Variants in VPS13B observed in about 807,000 individuals in gnomAD.
VPS13B encodes the protein vacuolar protein sorting 13 homolog B.
VPS13B carries 285 observed loss-of-function variants against 426.4 expected under a neutral mutation model. That is an observed-to-expected ratio of 0.67 (90% confidence interval 0.61 to 0.74). The LOEUF (loss-of-function observed/expected upper bound fraction) is 0.74. Ranked by LOEUF, VPS13B falls within the 30% of genes least tolerant of loss-of-function variation. The probability of loss-of-function intolerance (pLI) is 0.00; values close to 1 mark genes in which losing one functional copy is unlikely to be tolerated. For missense variants in VPS13B, 4,537 were observed against 4,782.6 expected, an observed-to-expected ratio of 0.95 and a Z score of 1.51; for synonymous variants, 1,676 against 1,676.4, an observed-to-expected ratio of 1.00 and a Z score of 0.01.
chr8:99,319,921 A>G (rs1364284899), intron 19 of VPS13B, among the ~76,000 whole-genome samples: 3 of 152,164 alleles, frequency 2.0e-5, no homozygotes, highest in African/African-American at 7.2e-5. Context: ...GGATGGGACT[A>G]TATCTCTTTT....
chr8:99,830,994 A>C (rs1254527371), intron 51 of VPS13B, among the ~76,000 whole-genome samples: 2 of 136,064 alleles, frequency 1.5e-5, no homozygotes, highest in Non-Finnish European at 3.1e-5. Context: ...GAAACCATCC[A>C]CCTTCTGTGT....
intron 13 of VPS13B, among the ~76,000 whole-genome samples, chr8:99,143,731 T>C (rs557781763): frequency 6.6e-6 from 1 of 152,334 alleles, no homozygotes; most frequent in East Asian, 1.9e-4. Flanking sequence ...GGTTTAAAAT[T>C]TGACCCTCAC....
rs76185899 is a variant in VPS13B at position 99,655,529 on chromosome 8, G to A, written c.5909-5825G>A. Reference sequence around the variant, plus strand: ...CTGGTAGGAAGGCATAGGGAGTCCCGAGGAGGTGGGTTAGGATTGTAGATG... The same window carrying A: ...CTGGTAGGAAGGCATAGGGAGTCCCAAGGAGGTGGGTTAGGATTGTAGATG... On this transcript the variant is annotated intron_variant, in intron 34 of 61. Coordinates refer to ENST00000357162, the MANE Select transcript of VPS13B (RefSeq NM_152564.5). Among the ~76,000 whole-genome samples, 265 of 152,200 alleles carry A rather than the reference G, an allele frequency of 1.7e-3. 9 individuals carry two copies. The East Asian group carries it at 0.046, about 27-fold the overall frequency.
chr8:99,325,114 A>G (rs1452479034), intron 19 of VPS13B, among the ~76,000 whole-genome samples: 3 of 152,068 alleles, frequency 2.0e-5, no homozygotes, highest in Non-Finnish European at 4.4e-5. Context: ...ATTCTTTGAG[A>G]TTCTCTTCTT....
In VPS13B at chr8:99,034,736, C is replaced by T. The variant is rs115655965; in HGVS notation, c.148-3687C>T. Among the ~76,000 whole-genome samples, 1,022 of 152,254 alleles carry T rather than the reference C, an allele frequency of 6.7e-3. 6 individuals carry two copies. Among genetic ancestry groups the T allele is most frequent in the African/African-American group, 0.024 (977 of 41,526 alleles). On this transcript the variant is annotated intron_variant, in intron 2 of 61. Coordinates refer to ENST00000357162, the MANE Select transcript of VPS13B (RefSeq NM_152564.5). ...GTATTGTGACCCTATGCTAGCCTTA[C>T]TCTTATTGCTGCTGAGCTGTCTGTT... is the stretch of plus-strand genomic sequence containing the variant.
chr8:99,868,579 C>A, intron 59 of VPS13B, 114 bp downstream of exon 59: 1 of 1,248,596 alleles, frequency 8.0e-7, no homozygotes. Context: ...GGCTATCTTT[C>A]TTACCTCTCT....
chr8:99,749,150 T>G (rs1810265996), intron 39 of VPS13B, among the ~76,000 whole-genome samples: 1 of 152,078 alleles, frequency 6.6e-6, no homozygotes, highest in Admixed American at 6.6e-5. Context: ...AATGAGATAT[T>G]TTGATACAGT....
At chr8:99,475,501 A>G (rs1397261061) in intron 24 of VPS13B, among the ~76,000 whole-genome samples, 1 of 152,170 alleles carries the variant, frequency 6.6e-6, no homozygotes, top group Non-Finnish European at 1.5e-5. Flanking sequence ...CTCCACTATT[A>G]TTCATATTTT....
chr8:99,780,960 C>T (rs1811992986), intron 42 of VPS13B, among the ~76,000 whole-genome samples: 1 of 152,120 alleles, frequency 6.6e-6, no homozygotes, highest in African/African-American at 2.4e-5. Context: ...GTATACTGCT[C>T]ACATATAGTG....
At chr8:99,142,874 C>T in intron 12 of VPS13B, 100 bp from the exon 13 acceptor site, 2 of 1,247,350 alleles carry the variant, frequency 1.6e-6, no homozygotes, top group Non-Finnish European at 1.1e-6. Context: ...TGTTTTAAGG[C>T]ATTAAGCTAC....
chr8:99,692,618 A>G (rs1185100846), intron 35 of VPS13B, among the ~76,000 whole-genome samples: 1 of 131,582 alleles, frequency 7.6e-6, no homozygotes, highest in African/African-American at 3.0e-5. Flanking sequence ...ACACCCTAAC[A>G]TCACAATTAA....
intron 23 of VPS13B, among the ~76,000 whole-genome samples, chr8:99,448,767 A>G (rs1163598591): frequency 1.3e-5 from 2 of 152,152 alleles, no homozygotes; most frequent in Non-Finnish European, 2.9e-5. Context: ...AATTTGTGAT[A>G]TATTTCATCT....
At chr8:99,021,569 C>T (rs77634602) in intron 2 of VPS13B, among the ~76,000 whole-genome samples, 1 of 151,202 alleles carries the variant, frequency 6.6e-6, no homozygotes, top group African/African-American at 2.4e-5. Context: ...TGCAGTGTGC[C>T]GAGATCATGC....
chr8:99,786,473 TTTGAAGTTTGA>T (rs1271617447), intron 43 of VPS13B, among the ~76,000 whole-genome samples: 1 of 152,122 alleles, frequency 6.6e-6, no homozygotes, highest in Non-Finnish European at 1.5e-5. Flanking sequence ...ATAGCCAAGC[TTTGAAGTTTGA>T]AAAGAAGGGC....
At chr8:99,013,493 G>A (rs1841430457) in intron 1 of VPS13B, 146 bp downstream of exon 1, 8 of 419,758 alleles carry the variant, frequency 1.9e-5, no homozygotes, top group South Asian at 1.7e-4. Context: ...GCGGCCGAAG[G>A]GGAGCCCGCC....
chr8:99,268,797 T>TG (rs1224574651), intron 17 of VPS13B, among the ~76,000 whole-genome samples: 5 of 152,044 alleles, frequency 3.3e-5, no homozygotes, highest in African/African-American at 1.2e-4. Flanking sequence ...CATGGGATTT[T>TG]GGGGGGGCCA....
chr8:99,146,873 A>G (rs757490774), intron 13 of VPS13B, among the ~76,000 whole-genome samples: 1 of 151,824 alleles, frequency 6.6e-6, no homozygotes, highest in Non-Finnish European at 1.5e-5. Flanking sequence ...CTGGCACTTG[A>G]CTCTTTTAAT....
intron 23 of VPS13B, among the ~76,000 whole-genome samples, chr8:99,458,180 T>C (rs1184006639): frequency 2.0e-5 from 3 of 151,916 alleles, no homozygotes; most frequent in Admixed American, 6.6e-5. Context: ...TGGTTTTTTG[T>C]CCTTGTGATA....
intron 33 of VPS13B, among the ~76,000 whole-genome samples, chr8:99,581,834 C>T (rs1334565812): frequency 6.6e-6 from 1 of 152,128 alleles, no homozygotes; most frequent in East Asian, 1.9e-4. Flanking sequence ...AAATGCATTC[C>T]ATATTACAAA....
Sources: allele counts gnomAD v4.1 joint callset (sites outside exome capture counted in the v4.1 genomes callset), GRCh38; gene constraint gnomAD v4.1.1; transcripts MANE v1.5; gene names NCBI Gene and HGNC (gene_info 2026-07-23, HGNC 2026-07-21).